Variants in DAZAP1 observed in about 807,000 individuals in gnomAD.
DAZAP1 encodes the protein DAZ-associated protein 1.
In DAZAP1, 6 loss-of-function variants were observed where a neutral mutation model predicts 60.1. The ratio of observed to expected loss-of-function variants is 0.10; its 90% confidence interval spans 0.05 to 0.20. The LOEUF (loss-of-function observed/expected upper bound fraction) is 0.20, where lower values mean the gene tolerates loss of function less well. Among genes scored for constraint, DAZAP1 ranks in the 10% least tolerant of loss-of-function variants. The pLI, the probability that DAZAP1 is intolerant of heterozygous loss-of-function variation, is 1.00. For synonymous variants in DAZAP1, 235 were observed against 215.9 expected (o/e 1.09, Z -0.78); for missense variants, 366 against 560.4 (o/e 0.65, Z 3.50).
rs762426181 is a variant in DAZAP1 at position 1,418,176 on chromosome 19, TTG to T, written c.71-24_71-23del. 2.2e-5 allele frequency: 35 copies of T among 1,612,532 alleles called. No individual in the cohort carries two copies. The highest frequency in any genetic ancestry group is 2.6e-5 in the Non-Finnish European group (31 of 1,178,872). On this transcript the variant is annotated intron_variant, in intron 2 of 11. Transcript: ENST00000233078. This position sits in a 1 kb window ranked among gnomAD's most constrained non-coding sequence, Gnocchi z 5.7. ...TGCCTAATGCTCTGGCCCTGTGTGTTTGTGTTTTCTTCCCGATTTCTGAGCAG... is the reference window on the plus strand; with the variant it reads ...TGCCTAATGCTCTGGCCCTGTGTGTTTGTTTTCTTCCCGATTTCTGAGCAG...
intron 1 of DAZAP1, among the ~76,000 whole-genome samples, chr19:1,414,335 A>G (rs1600191464): frequency 6.6e-6 from 1 of 152,108 alleles, no homozygotes; most frequent in African/African-American, 2.4e-5. Flanking sequence ...GTGTGTTTCT[A>G]CTGAAATATT....
chr19:1,407,659 G>T lies in DAZAP1; in HGVS notation c.-115G>T. On this transcript the variant is annotated 5_prime_UTR_variant, in exon 1 of 12. Coordinates refer to ENST00000233078, the MANE Select transcript of DAZAP1 (RefSeq NM_018959.4). The stretch of plus-strand genomic sequence containing the variant: ...CGCCGCCGCCGCCGCCGCCGCCGCC[G>T]CCGTTGCGCAGATCCGGGCCGCGGC... 1.0e-6 allele frequency: 1 copy of T among 971,674 alleles called. No homozygotes were observed. The highest frequency in any genetic ancestry group is 1.2e-6 in the Non-Finnish European group (1 of 813,390). The allele number at this position is 971,674 out of a possible 1,614,324, so 60.2% of individuals were successfully genotyped here.
Position 1,430,257 on chromosome 19 carries a change from CCCCCGCCA to C in DAZAP1, c.771_778del (p.Pro258ThrfsTer166). ...ACCGCCCCCTGCAGGAAGAGGAGCC[CCCCCGCCA>C]CCCCCACCGTTCACCTCCTACATCG... On this transcript the variant is annotated frameshift_variant, in exon 10 of 12. Coordinates refer to ENST00000233078, the MANE Select transcript of DAZAP1 (RefSeq NM_018959.4). LOFTEE classifies it high-confidence loss of function. 4.2e-6 allele frequency: 5 copies of C among 1,197,868 alleles called. No individual in the cohort carries two copies. Among genetic ancestry groups the C allele is most frequent in the Non-Finnish European group, 6.0e-6 (5 of 833,838 alleles). The allele number at this position is 1,197,868 out of a possible 1,614,324, so 74.2% of individuals were successfully genotyped here.
At position 1,426,223 on chromosome 19, in the gene DAZAP1, CTGGGGCTGGGAGGCTGTGGCGGTGT is replaced by C. The variant is rs1360030876; in HGVS notation, c.546+273_546+297del. 1 of 445,656 alleles carries C rather than the reference CTGGGGCTGGGAGGCTGTGGCGGTGT, an allele frequency of 2.2e-6. No individual in the cohort carries two copies. Among genetic ancestry groups the C allele is most frequent in the Non-Finnish European group, 4.2e-6 (1 of 240,410 alleles). The allele number at this position is 445,656 out of a possible 1,614,324, so 27.6% of individuals were successfully genotyped here. A position where few individuals can be genotyped will look rare whatever the true frequency, so the allele number is the denominator to read the frequency against. On this transcript the variant is annotated intron_variant, in intron 7 of 11. Coordinates refer to ENST00000233078, the MANE Select transcript of DAZAP1 (RefSeq NM_018959.4). The surrounding 1 kb of genome is among the most constrained non-coding windows in gnomAD (Gnocchi z 5.4). ...GACCTGGGACTGGGCGGGTAGGGGGCTGGGGCTGGGAGGCTGTGGCGGTGTTGGGGCTGGCTCCAGTGAAACCGCA... is the reference window on the plus strand; with the variant it reads ...GACCTGGGACTGGGCGGGTAGGGGGCTGGGGCTGGCTCCAGTGAAACCGCA...
Position 1,418,644 on chromosome 19 carries a change from G to T in DAZAP1, c.238-22G>T. 3 of 1,613,952 alleles carry T rather than the reference G, an allele frequency of 1.9e-6. No individual in the cohort carries two copies. Among genetic ancestry groups the T allele is most frequent in the South Asian group, 1.1e-5 (1 of 91,078 alleles). ...AGAAACAGCCTCTTATTCACAACCAGCTGATTTGAAATTTCCTGCAGATCG... is the reference window on the plus strand; with the variant it reads ...AGAAACAGCCTCTTATTCACAACCATCTGATTTGAAATTTCCTGCAGATCG... On this transcript the variant is annotated intron_variant, in intron 3 of 11. Transcript: ENST00000233078. The surrounding 1 kb of genome is among the most constrained non-coding windows in gnomAD (Gnocchi z 5.7).
chr19:1,429,449 T>A (rs757257927), intron 8 of DAZAP1, among the ~76,000 whole-genome samples: 1 of 152,188 alleles, frequency 6.6e-6, no homozygotes, highest in Non-Finnish European at 1.5e-5. Context: ...TAGGCCCACG[T>A]TGTGGGCCGT....
At position 1,423,685 on chromosome 19, in the gene DAZAP1, A is replaced by G. The variant is rs990123506; in HGVS notation, c.463+1289A>G. 4.6e-5 allele frequency among the ~76,000 whole-genome samples: 7 copies of G among 152,236 alleles called. No homozygotes were observed. The highest frequency in any genetic ancestry group is 2.0e-4 in the Admixed American group (3 of 15,290). On this transcript the variant is annotated intron_variant, in intron 6 of 11. Coordinates refer to ENST00000233078, the MANE Select transcript of DAZAP1 (RefSeq NM_018959.4). The surrounding 1 kb of genome is among the most constrained non-coding windows in gnomAD (Gnocchi z 6.8). ...ACTCCTGCAGTTTGCGAAAATGTCTACTTCTAAATACGTTGTTTCATCACC... is the reference window on the plus strand; with the variant it reads ...ACTCCTGCAGTTTGCGAAAATGTCTGCTTCTAAATACGTTGTTTCATCACC...
In DAZAP1 at chr19:1,432,750, CCTT is replaced by C. The variant is rs763411315; in HGVS notation, c.1048+66_1048+68del. The C allele has an allele frequency of 9.0e-5, 136 of 1,506,662 alleles. 2 individuals are homozygous for C. Among genetic ancestry groups the C allele is most frequent in the African/African-American group, 8.8e-4 (63 of 71,868 alleles). The allele number at this position is 1,506,662 out of a possible 1,614,324, so 93.3% of individuals were successfully genotyped here. A position where few individuals can be genotyped will look rare whatever the true frequency, so the allele number is the denominator to read the frequency against. On this transcript the variant is annotated intron_variant, in intron 11 of 11. Coordinates refer to ENST00000233078, the MANE Select transcript of DAZAP1 (RefSeq NM_018959.4). The surrounding 1 kb of genome is among the most constrained non-coding windows in gnomAD (Gnocchi z 4.9). ...GCCCCAGGACCCTGGGCACGGCCTG[CCTT>C]CTTCTGCTTCCTCCCCTGCTGGACG...
At position 1,407,777 on chromosome 19, in the gene DAZAP1, A is replaced by G; in HGVS notation, c.4A>G (p.Asn2Asp). Residue 2 changes from asparagine (N) to aspartate (D), a missense_variant, in exon 1 of 12, where the codon AAC (asparagine) becomes GAC (aspartate). Asn to Asp is a conservative substitution (Grantham distance 23). Transcript: ENST00000233078. ...GAGCGTCGCCGCCGCCGCCGCCATG[A>G]ACAACTCGGGCGCCGACGAGATCGG... is the stretch of plus-strand genomic sequence containing the variant. M[N>D]NSGADEIGKL... is the part of the protein sequence containing the mutation. 1 of 1,082,446 alleles carries G rather than the reference A, an allele frequency of 9.2e-7. No homozygotes were observed. The highest frequency in any genetic ancestry group is 1.1e-6 in the Non-Finnish European group (1 of 893,450). 67.1% of individuals were successfully genotyped at this position (1,082,446 alleles called of 1,614,324 possible).
At chr19:1,408,358 C>T (rs934481344) in intron 1 of DAZAP1, among the ~76,000 whole-genome samples, 5 of 152,156 alleles carry the variant, frequency 3.3e-5, no homozygotes, top group African/African-American at 1.2e-4. Flanking sequence ...CCGTCGCCGC[C>T]GCCTCCCGGC....
At position 1,425,486 on chromosome 19, in the gene DAZAP1, C is replaced by T. The variant is rs993820784; in HGVS notation, c.464-392C>T. Among the ~76,000 whole-genome samples the T allele has an allele frequency of 3.2e-4, 48 of 152,260 alleles. No homozygotes were observed. The highest frequency in any genetic ancestry group is 5.4e-4 in the Non-Finnish European group (37 of 68,046). On this transcript the variant is annotated intron_variant, in intron 6 of 11. Coordinates refer to ENST00000233078, the MANE Select transcript of DAZAP1 (RefSeq NM_018959.4). The surrounding 1 kb of genome is among the most constrained non-coding windows in gnomAD (Gnocchi z 5.4). ...AGCCAGAATATTCAAGCACGGGCCT[C>T]TGACCCTCCCCTGGGGGGCGCTTTG...
Position 1,434,744 on chromosome 19 carries a change from C to T in DAZAP1, c.1056C>T (p.Tyr352=), listed in dbSNP as rs556797736. 9 of 1,612,108 alleles carry T rather than the reference C, an allele frequency of 5.6e-6. No individual in the cohort carries two copies. In the African/African-American group the frequency reaches 6.7e-5, roughly 12 times the overall value. ...PDFPYGQYAG[Y]GQDLSGFGQG... ...CAGGACTTTCTCCCCCAGCAGGTTA[C>T]GGGCAGGACTTGAGTGGCTTCGGAC... Residue 352 remains tyrosine (Y), a synonymous_variant, in exon 12 of 12, where the codon TAC becomes TAT. Coordinates refer to ENST00000233078, the MANE Select transcript of DAZAP1 (RefSeq NM_018959.4). This position sits in a 1 kb window ranked among gnomAD's most constrained non-coding sequence, Gnocchi z 8.0.
intron 4 of DAZAP1, among the ~76,000 whole-genome samples, chr19:1,419,815 C>T (rs532619928): frequency 6.0e-5 from 9 of 149,094 alleles, no homozygotes; most frequent in African/African-American, 2.0e-4. Flanking sequence ...CCAACCGTCA[C>T]GGCAGCGAGC....
At position 1,430,270 on chromosome 19, in the gene DAZAP1, C is replaced by CCCCCCAG; in HGVS notation, c.779_780insCCCCCAG (p.Phe262GlnfsTer167). 7.3e-7 allele frequency: 1 copy of CCCCCCAG among 1,368,646 alleles called. No homozygotes were observed. The highest frequency in any genetic ancestry group is 1.0e-6 in the Non-Finnish European group (1 of 979,202). The allele number at this position is 1,368,646 out of a possible 1,614,324, so 84.8% of individuals were successfully genotyped here. A position where few individuals can be genotyped will look rare whatever the true frequency, so the allele number is the denominator to read the frequency against. Reference sequence around the variant, plus strand: ...GGAAGAGGAGCCCCCCCGCCACCCCCACCGTTCACCTCCTACATCGTGTCC... The same window carrying CCCCCCAG: ...GGAAGAGGAGCCCCCCCGCCACCCCCCCCCCAGACCGTTCACCTCCTACATCGTGTCC... On this transcript the variant is annotated frameshift_variant, in exon 10 of 12. Coordinates refer to ENST00000233078, the MANE Select transcript of DAZAP1 (RefSeq NM_018959.4). LOFTEE classifies it high-confidence loss of function.
At chr19:1,408,204 G>C (rs1327311682) in intron 1 of DAZAP1, among the ~76,000 whole-genome samples, 1 of 151,216 alleles carries the variant, frequency 6.6e-6, no homozygotes. Context: ...GGGGTTCAGG[G>C]GCCCCCGCCG....
In DAZAP1 at chr19:1,428,758, C is replaced by T; in HGVS notation, c.547-84C>T. ...TAAGTTGTAAGATGCTAAGTGTAGT[C>T]ATAAGTTACCCGAGGGTGTGTCTAA... On this transcript the variant is annotated intron_variant, in intron 7 of 11. Coordinates refer to ENST00000233078, the MANE Select transcript of DAZAP1 (RefSeq NM_018959.4). This position sits in a 1 kb window ranked among gnomAD's most constrained non-coding sequence, Gnocchi z 4.0. 1.3e-6 allele frequency: 2 copies of T among 1,525,590 alleles called. No individual in the cohort carries two copies. The highest frequency in any genetic ancestry group is 4.6e-5 in the East Asian group (2 of 43,730). The allele number at this position is 1,525,590 out of a possible 1,614,324, so 94.5% of individuals were successfully genotyped here. A position where few individuals can be genotyped will look rare whatever the true frequency, so the allele number is the denominator to read the frequency against.
At chr19:1,420,368 G>A (rs1316165596) in intron 4 of DAZAP1, among the ~76,000 whole-genome samples, 3 of 145,866 alleles carry the variant, frequency 2.1e-5, no homozygotes, top group Non-Finnish European at 4.5e-5. Flanking sequence ...CTCACCCCAC[G>A]CGCACACTCA....
Position 1,422,370 on chromosome 19 carries a change from A to G in DAZAP1, c.437A>G (p.Tyr146Cys), listed in dbSNP as rs1159417566. The change falls in exon 6 of 12, where the codon TAT (tyrosine) becomes TGT (cysteine). Residue 146 changes from tyrosine to cysteine, a missense_variant. This residue lies in a region of DAZAP1 where 28 missense variants were observed against 96.3 expected (regional missense o/e 0.29). Coordinates refer to ENST00000233078, the MANE Select transcript of DAZAP1 (RefSeq NM_018959.4). This position sits in a 1 kb window ranked among gnomAD's most constrained non-coding sequence, Gnocchi z 4.5. ...FGVVTEVVMI[Y>C]DAEKQRPRGF... The stretch of plus-strand genomic sequence containing the variant: ...CAGGTCACGGAGGTAGTCATGATCT[A>G]TGACGCCGAGAAGCAGAGGCCCCGA... 1 of 1,614,040 alleles carries G rather than the reference A, an allele frequency of 6.2e-7. No individual in the cohort carries two copies. Among genetic ancestry groups the G allele is most frequent in the South Asian group, 1.1e-5 (1 of 91,074 alleles).
intron 1 of DAZAP1, chr19:1,410,191 G>C (rs764972643): frequency 6.6e-6 from 1 of 152,290 alleles, no homozygotes; most frequent in Non-Finnish European, 1.5e-5. Context: ...CTTGATGGGG[G>C]ATGAAAGTCA....
Sources: gnomAD v4.1 joint callset for allele counts (sites outside exome capture counted in the v4.1 genomes callset) on GRCh38, gnomAD v4.1.1 for gene constraint, gnomAD v4.1.1 regional missense constraint, Gnocchi (gnomAD v3.1) non-coding constraint, MANE v1.5 for transcripts, NCBI Gene and HGNC (gene_info 2026-07-23, HGNC 2026-07-21) for gene names.